TRABD2A: variants seen among roughly 807,000 people sequenced by gnomAD.
TRABD2A encodes metalloprotease TIKI1.
A neutral mutation model predicts 45.6 loss-of-function variants in TRABD2A; 43 were observed. That is an observed-to-expected ratio of 0.94 (90% confidence interval 0.74 to 1.22). TRABD2A has a LOEUF of 1.22. Among genes scored for constraint, TRABD2A ranks in the 50% most tolerant of loss-of-function variants. The pLI is 0.00. For missense variants in TRABD2A, 642 were observed against 652.4 expected (o/e 0.98, Z 0.17); for synonymous variants, 269 against 265.0 (o/e 1.02, Z -0.15).
intron 5 of TRABD2A, among the ~76,000 whole-genome samples, chr2:84,826,618 C>T (rs531850476): frequency 9.2e-5 from 14 of 151,892 alleles, no homozygotes; most frequent in East Asian, 5.8e-4. Context: ...CTGCAACCTC[C>T]GCCTCCCAGG....
intron 5 of TRABD2A, among the ~76,000 whole-genome samples, chr2:84,824,453 C>A (rs1681094243): frequency 6.6e-6 from 1 of 151,648 alleles, no homozygotes; most frequent in African/African-American, 2.4e-5. Context: ...GAGAAAGATC[C>A]AAGATTTTTA....
rs774323814 is a variant in TRABD2A, at chr2:84,824,054, C to T, written c.1233G>A (p.Thr411=). 2.1e-5 allele frequency: 34 copies of T among 1,613,664 alleles called. No homozygotes were observed. Among genetic ancestry groups the T allele is most frequent in the South Asian group, 6.6e-5 (6 of 91,030 alleles). ...PLVSRPGSAD[T]PSEAEQRFRK... ...GGAACCTCTGTTCGGCCTCACTGGG[C>T]GTGTCGGCACTTCCAGGCCGGGACA... Residue 411 remains threonine (T), a synonymous_variant, in exon 6 of 7, where the codon ACG becomes ACA. Coordinates refer to ENST00000409520, the MANE Select transcript of TRABD2A (RefSeq NM_001277053.2).
intron 5 of TRABD2A, among the ~76,000 whole-genome samples, chr2:84,831,765 C>T (rs907225670): frequency 9.9e-5 from 15 of 152,160 alleles, no homozygotes; most frequent in African/African-American, 3.4e-4. Context: ...TACCCCTCAA[C>T]CCCTGGGCAA....
chr2:84,871,932 T>G (rs1682882525), intron 1 of TRABD2A, among the ~76,000 whole-genome samples: 1 of 152,208 alleles, frequency 6.6e-6, no homozygotes, highest in African/African-American at 2.4e-5. Context: ...GCCTTCAGTT[T>G]CAATCACAGA....
rs928856065 is a variant in TRABD2A, at chr2:84,830,398, G to A, written c.1082+1657C>T. Among the ~76,000 whole-genome samples, 18 of 152,158 alleles carry A rather than the reference G, an allele frequency of 1.2e-4. No individual in the cohort carries two copies. The highest frequency in any genetic ancestry group is 2.2e-4 in the Non-Finnish European group (15 of 68,026). Reference sequence around the variant, plus strand: ...GCAAGCAGCAGATCCATGCTGGAAGGGTAGGGTCTGAGTGCCAAGACCTCC... The same window carrying A: ...GCAAGCAGCAGATCCATGCTGGAAGAGTAGGGTCTGAGTGCCAAGACCTCC... On this transcript the variant is annotated intron_variant, in intron 5 of 6. Coordinates refer to ENST00000409520, the MANE Select transcript of TRABD2A (RefSeq NM_001277053.2). The surrounding 1 kb of genome is among the most constrained non-coding windows in gnomAD (Gnocchi z 4.9).
chr2:84,852,597 G>A (rs1682135402), intron 2 of TRABD2A, among the ~76,000 whole-genome samples: 1 of 152,176 alleles, frequency 6.6e-6, no homozygotes, highest in Non-Finnish European at 1.5e-5. Context: ...TGGCAGGGTG[G>A]AGGAGGGTGT....
At chr2:84,834,626 T>C (rs1178327010) in intron 4 of TRABD2A, 1 of 152,334 alleles carries the variant, frequency 6.6e-6, no homozygotes, top group Non-Finnish European at 1.5e-5. Context: ...TTCTGGACAT[T>C]TCATATAAAT....
chr2:84,864,255 G>T (rs1044849703), intron 2 of TRABD2A, among the ~76,000 whole-genome samples: 3 of 152,198 alleles, frequency 2.0e-5, no homozygotes, highest in African/African-American at 7.2e-5. Context: ...GACCACACAA[G>T]GGATTGAGGC....
chr2:84,838,162 TC>T, intron 4 of TRABD2A: 1 of 713,364 alleles, frequency 1.4e-6, no homozygotes, highest in Non-Finnish European at 2.6e-6. Flanking sequence ...ACCCATTCTG[TC>T]CCCTCCAGTA....
At chr2:84,863,239 CTTTT>C (rs773927512) in intron 2 of TRABD2A, among the ~76,000 whole-genome samples, 3 of 98,132 alleles carry the variant, frequency 3.1e-5, no homozygotes, top group African/African-American at 1.3e-4. Flanking sequence ...TCATGTGAAT[CTTTT>C]TTTTTTTTTT....
chr2:84,874,191 T>C (rs1021706401), intron 1 of TRABD2A, among the ~76,000 whole-genome samples: 5 of 152,254 alleles, frequency 3.3e-5, no homozygotes, highest in African/African-American at 1.2e-4. Context: ...TATTTATTGT[T>C]GCCTTTTCAA....
chr2:84,874,216 G>A (rs999347214), intron 1 of TRABD2A, among the ~76,000 whole-genome samples: 1 of 152,134 alleles, frequency 6.6e-6, no homozygotes, highest in Non-Finnish European at 1.5e-5. Flanking sequence ...TACTGGTCTA[G>A]AAATAAGGTC....
rs772390100 is a variant in TRABD2A at position 84,832,106 on chromosome 2, C to T, written c.1031G>A (p.Arg344Gln). 25 of 1,613,832 alleles carry T rather than the reference C, an allele frequency of 1.5e-5. 1 individual carries two copies. The East Asian group carries it at 3.6e-4, about 23-fold the overall frequency. ...GTGTTCTACCTCATAGCCTTCACGC[C>T]GCAAAACATCCAGCACTGTGTTGTT... is the stretch of plus-strand genomic sequence containing the variant. ...MGNNTVLDVLRREGYEVEHAP... is the reference protein window; with the variant it reads ...MGNNTVLDVLQREGYEVEHAP... Residue 344 changes from arginine to glutamine, a missense_variant, in exon 5 of 7, where the codon CGG becomes CAG. Transcript: ENST00000409520.
chr2:84,850,848 AG>A (rs1476449486), intron 2 of TRABD2A: 1 of 152,130 alleles, frequency 6.6e-6, no homozygotes, highest in African/African-American at 2.4e-5. Flanking sequence ...GGCTTCCACC[AG>A]CCCCTTCCTC....
intron 1 of TRABD2A, chr2:84,879,559 G>A (rs182749988): frequency 1.0e-6 from 1 of 981,294 alleles, no homozygotes; most frequent in East Asian, 1.1e-4. Flanking sequence ...CATAAAGACA[G>A]ATTCTAAAGG....
chr2:84,880,017 G>A (rs553483475), intron 1 of TRABD2A, among the ~76,000 whole-genome samples: 1 of 134,392 alleles, frequency 7.4e-6, no homozygotes, highest in Non-Finnish European at 1.6e-5. Flanking sequence ...CCCGCGTCGC[G>A]GGCGCACCAG....
chr2:84,831,806 C>T (rs1307581730), intron 5 of TRABD2A, among the ~76,000 whole-genome samples: 1 of 152,168 alleles, frequency 6.6e-6, no homozygotes, highest in Non-Finnish European at 1.5e-5. Context: ...GCTTGCCAAA[C>T]ACCACTGAGG....
intron 4 of TRABD2A, chr2:84,836,713 T>C (rs1204273849): frequency 6.6e-6 from 1 of 152,144 alleles, no homozygotes; most frequent in Non-Finnish European, 1.5e-5. Flanking sequence ...TATCTGAAGA[T>C]CTATTCATTT....
intron 2 of TRABD2A, among the ~76,000 whole-genome samples, chr2:84,863,646 C>T (rs182245917): frequency 0.029 from 3,543 of 122,504 alleles, 73 homozygotes; most frequent in South Asian, 0.065. Flanking sequence ...GAGTCTCGCT[C>T]TGATGCCCAG....
Sources: gnomAD v4.1 joint callset for allele counts (sites outside exome capture counted in the v4.1 genomes callset) on GRCh38, gnomAD v4.1.1 for gene constraint, Gnocchi (gnomAD v3.1) non-coding constraint, MANE v1.5 for transcripts, NCBI Gene and HGNC (gene_info 2026-07-23, HGNC 2026-07-21) for gene names.